ZFPM1: variants seen among roughly 807,000 people sequenced by gnomAD.
The protein encoded by ZFPM1 is zinc finger protein ZFPM1.
ZFPM1 carries 28 observed loss-of-function variants against 46.3 expected under a neutral mutation model. The observed-to-expected ratio is 0.60, with a 90% CI of 0.45 to 0.83. The LOEUF (loss-of-function observed/expected upper bound fraction) is 0.83. ZFPM1 is among the 40% of genes least tolerant of loss of function. The pLI, the probability that ZFPM1 is intolerant of heterozygous loss-of-function variation, is 0.00. For missense variants in ZFPM1, 1,878 were observed against 1,432.4 expected (o/e 1.31, Z -5.02); for synonymous variants, 957 against 675.9 (o/e 1.42, Z -6.45).
rs904792 is a variant in ZFPM1, at chr16:88,462,900, G to A, written c.40+9222G>A. ...TGTGAGGAGCGATGCCACCCAACAC[G>A]GGAGGTGCAGCCCGGGCCAGGGCCC... On this transcript the variant is annotated intron_variant, in intron 1 of 9. Transcript: ENST00000319555. Among the ~76,000 whole-genome samples, 853 of 152,304 alleles carry A rather than the reference G, an allele frequency of 5.6e-3. 9 individuals carry two copies. Among genetic ancestry groups the A allele is most frequent in the African/African-American group, 0.019 (808 of 41,568 alleles).
chr16:88,515,337 C>G (rs888435439), intron 4 of ZFPM1, among the ~76,000 whole-genome samples: 30 of 152,310 alleles, frequency 2.0e-4, no homozygotes, highest in African/African-American at 7.2e-4. Context: ...AGAGGGCGTC[C>G]CCCTTTGCCA....
chr16:88,452,824 C>G (rs1288367960), upstream of ZFPM1, among the ~76,000 whole-genome samples: 1 of 152,108 alleles, frequency 6.6e-6, no homozygotes, highest in Admixed American at 6.5e-5. Context: ...CGCCGAGAGG[C>G]GGGGCGCAGG....
At chr16:88,493,936 G>C (rs1487063252) in intron 3 of ZFPM1, among the ~76,000 whole-genome samples, 1 of 152,196 alleles carries the variant, frequency 6.6e-6, no homozygotes, top group African/African-American at 2.4e-5. Flanking sequence ...TCTGAGACGG[G>C]AGCACAGGCC....
Position 88,528,146 on chromosome 16 carries a change from C to G in ZFPM1, c.620C>G (p.Ala207Gly), listed in dbSNP as rs1469510709. ...GGCCACCCTGTGAAGAAGGAGCCAG[C>G]AGAGCCCACGTGCCCGGCCCCTGCA... is the stretch of plus-strand genomic sequence containing the variant. ...TPGHPVKKEP[A>G]EPTCPAPAHD... is the part of the protein sequence containing the mutation. Residue 207 changes from alanine (A) to glycine (G), a missense_variant, in exon 6 of 10, where the codon GCA (alanine) becomes GGA (glycine). Coordinates refer to ENST00000319555, the MANE Select transcript of ZFPM1 (RefSeq NM_153813.3). 1.2e-6 allele frequency: 2 copies of G among 1,605,956 alleles called. No homozygotes were observed. Among genetic ancestry groups the G allele is most frequent in the African/African-American group, 1.3e-5 (1 of 74,906 alleles).
Position 88,517,528 on chromosome 16 carries a change from G to A in ZFPM1, c.402+3008G>A, listed in dbSNP as rs187680465. Among the ~76,000 whole-genome samples, 909 of 148,036 alleles carry A rather than the reference G, an allele frequency of 6.1e-3. 8 individuals carry two copies. Among genetic ancestry groups the A allele is most frequent in the African/African-American group, 0.021 (848 of 40,164 alleles). On this transcript the variant is annotated intron_variant, in intron 4 of 9. Coordinates refer to ENST00000319555, the MANE Select transcript of ZFPM1 (RefSeq NM_153813.3). The stretch of plus-strand genomic sequence containing the variant: ...GATGGATGGATGGATGGTTGGATAG[G>A]TGGGTGGATGGATGAGTGGGTGAGT...
At chr16:88,522,693 T>C (rs1407817369) in intron 4 of ZFPM1, among the ~76,000 whole-genome samples, 1 of 152,102 alleles carries the variant, frequency 6.6e-6, no homozygotes, top group African/African-American at 2.4e-5. Context: ...GAATTTAAAG[T>C]GGCCACTGCT....
chr16:88,468,992 G>C (rs80296158), intron 1 of ZFPM1: 6,837 of 154,264 alleles, frequency 0.044, 494 homozygotes, highest in African/African-American at 0.16. Flanking sequence ...CCTGCCAACC[G>C]TCAGAGCCCA....
At position 88,533,294 on chromosome 16, in the gene ZFPM1, CTGG is replaced by C. The variant is rs67873604; in HGVS notation, c.1337_1339del (p.Leu446_Ala447delinsPro). 1,531,734 of 1,538,794 alleles carry C rather than the reference CTGG, an allele frequency of 1. 762,582 individuals are homozygous for C. The highest frequency in any genetic ancestry group is 1 in the Non-Finnish European group (1,147,599 of 1,147,726). On this transcript the variant is annotated inframe_deletion, in exon 10 of 10. Coordinates refer to ENST00000319555, the MANE Select transcript of ZFPM1 (RefSeq NM_153813.3). The stretch of plus-strand genomic sequence containing the variant: ...CAACGGAGAGGCCAGAGCGGAGCCT[CTGG>C]CCCAGAATGGAGGCAGCAGCGAGCC...
intron 3 of ZFPM1, among the ~76,000 whole-genome samples, chr16:88,512,605 G>A (rs575820524): frequency 2.3e-4 from 33 of 145,434 alleles, no homozygotes; most frequent in Admixed American, 1.6e-3. Flanking sequence ...CCCACCCCAC[G>A]AAGCTCCAAG....
rs1261865872 is a variant in ZFPM1 at position 88,518,274 on chromosome 16, TA to T, written c.402+3756del. 3.3e-5 allele frequency among the ~76,000 whole-genome samples: 5 copies of T among 150,296 alleles called. No individual in the cohort carries two copies. In the East Asian group the frequency reaches 9.9e-4, roughly 30 times the overall value. On this transcript the variant is annotated intron_variant, in intron 4 of 9. Transcript: ENST00000319555. ...GGTGGGTGAGTAGATGGATGGTGGA[TA>T]AGTGGATGGATGGGAGGATAACCAG...
chr16:88,501,624 A>G (rs1910332362), intron 3 of ZFPM1, among the ~76,000 whole-genome samples: 1 of 127,600 alleles, frequency 7.8e-6, no homozygotes, highest in Non-Finnish European at 1.6e-5. Flanking sequence ...TGATGGAGAT[A>G]GTGGGCCTGG....
At chr16:88,456,254 C>T (rs1325045190) in intron 1 of ZFPM1, among the ~76,000 whole-genome samples, 2 of 152,228 alleles carry the variant, frequency 1.3e-5, no homozygotes, top group Non-Finnish European at 2.9e-5. Flanking sequence ...CACCCCGCCC[C>T]GAGTCCTCGT....
chr16:88,461,046 C>A (rs201099516), intron 1 of ZFPM1, among the ~76,000 whole-genome samples: 1 of 88,336 alleles, frequency 1.1e-5, no homozygotes, highest in East Asian at 4.5e-4. Context: ...GACCGAGGGG[C>A]GGGAGGCCCT....
Position 88,533,806 on chromosome 16 carries a change from GGCGCCCCCCGGCCCGGCCCGC to G in ZFPM1, c.1862_1882del (p.Pro621_Gly627del), listed in dbSNP as rs763075034. On this transcript the variant is annotated inframe_deletion, in exon 10 of 10. Transcript: ENST00000319555. ...ACGCGCCTGCCGCGCGCAGGCCCAA[GGCGCCCCCCGGCCCGGCCCGC>G]GCGCCCCCCGGCCAGCCCGCCGAAC... 101 of 1,105,810 alleles carry G rather than the reference GGCGCCCCCCGGCCCGGCCCGC, an allele frequency of 9.1e-5. No homozygotes were observed. The Middle Eastern group carries it at 1.2e-3, about 13-fold the overall frequency. 68.5% of individuals were successfully genotyped at this position (1,105,810 alleles called of 1,614,324 possible).
chr16:88,532,709 G>A lies in ZFPM1; in HGVS notation c.1042G>A (p.Gly348Ser), dbSNP rs1912889205. 1 of 1,611,800 alleles carries A rather than the reference G, an allele frequency of 6.2e-7. No individual in the cohort carries two copies. Among genetic ancestry groups the A allele is most frequent in the Non-Finnish European group, 8.5e-7 (1 of 1,179,288 alleles). Residue 348 changes from glycine to serine, a missense_variant and splice_region_variant, in exon 8 of 10, where the codon GGT becomes AGT. Coordinates refer to ENST00000319555, the MANE Select transcript of ZFPM1 (RefSeq NM_153813.3). ...CAAGGTGCACACGGACACGCTGAGC[G>A]GTAGGCACCGCAGGGGCCGGGGGGT... ...HLKVHTDTLS[G>S]VCHSCGFIST...
rs1908878391 is a variant in ZFPM1, at chr16:88,480,393, G to A, written c.41-5546G>A. Among the ~76,000 whole-genome samples the A allele has an allele frequency of 1.3e-5, 2 of 152,332 alleles. No homozygotes were observed. Among genetic ancestry groups the A allele is most frequent in the Non-Finnish European group, 2.9e-5 (2 of 68,030 alleles). On this transcript the variant is annotated intron_variant, in intron 1 of 9. Coordinates refer to ENST00000319555, the MANE Select transcript of ZFPM1 (RefSeq NM_153813.3). The surrounding 1 kb of genome is among the most constrained non-coding windows in gnomAD (Gnocchi z 4.9). ...AAGCGAAGGAGGAAGAAGTGAGTGT[G>A]TGAGGGGACGGGTGAGTGAGGGAGC... is the stretch of plus-strand genomic sequence containing the variant.
rs750945563 is a variant in ZFPM1 at position 88,501,223 on chromosome 16, G to A, written c.268+12070G>A. Among the ~76,000 whole-genome samples, 497 of 68,856 alleles carry A rather than the reference G, an allele frequency of 7.2e-3. 18 individuals carry two copies. The highest frequency in any genetic ancestry group is 0.01 in the Middle Eastern group (1 of 96). 45.2% of individuals were successfully genotyped at this position (68,856 alleles called of 152,430 possible). A position where few individuals can be genotyped will look rare whatever the true frequency, so the allele number is the denominator to read the frequency against. ...GTGCTGGTGATGATGGAGATAGCGG[G>A]TGTGGGTGCATGGGCTCTCCCGCAG... is the stretch of plus-strand genomic sequence containing the variant. On this transcript the variant is annotated intron_variant, in intron 3 of 9. Coordinates refer to ENST00000319555, the MANE Select transcript of ZFPM1 (RefSeq NM_153813.3).
chr16:88,453,775 G>T, intron 1 of ZFPM1, 97 bp downstream of exon 1: 1 of 759,708 alleles, frequency 1.3e-6, no homozygotes, highest in Non-Finnish European at 1.6e-6. Context: ...TCTGCCCTGG[G>T]CGCCGGCGAC....
chr16:88,516,063 T>G (rs1911275897), intron 4 of ZFPM1: 1 of 398,292 alleles, frequency 2.5e-6, no homozygotes, highest in Admixed American at 4.4e-5. Flanking sequence ...CCATCCTCAC[T>G]TCCTCCTCCC....
Sources: gnomAD v4.1 joint callset for allele counts (sites outside exome capture counted in the v4.1 genomes callset) on GRCh38, gnomAD v4.1.1 for gene constraint, Gnocchi (gnomAD v3.1) non-coding constraint, MANE v1.5 for transcripts, NCBI Gene and HGNC (gene_info 2026-07-23, HGNC 2026-07-21) for gene names.